The following SACS variants were observed in gnomAD, a reference collection of about 807,000 sequenced individuals.
The protein encoded by SACS is sacsin molecular chaperone, also known as sacsin.
Under a neutral mutation model 348.0 loss-of-function variants are expected in SACS, and 197 were observed. That is an observed-to-expected ratio of 0.57 (90% confidence interval 0.50 to 0.64). SACS has a LOEUF of 0.64. Among genes scored for constraint, SACS ranks in the 30% least tolerant of loss-of-function variants. The pLI, the probability that SACS is intolerant of heterozygous loss-of-function variation, is 0.00. For missense variants in SACS, 4,999 were observed against 5,360.8 expected (o/e 0.93, Z 2.11); for synonymous variants, 1,985 against 1,910.6 (o/e 1.04, Z -1.02).
Position 23,332,670 on chromosome 13 carries a change from T to C in SACS, c.11206A>G (p.Met3736Val). 6.2e-7 allele frequency: 1 copy of C among 1,613,906 alleles called. No individual in the cohort carries two copies. Among genetic ancestry groups the C allele is most frequent in the South Asian group, 1.1e-5 (1 of 91,080 alleles). ...GGAGGATCCAGGTTAACATTAAGCATATTTAAAACTTGTTCAAGCTGTTCT... is the reference window on the plus strand; with the variant it reads ...GGAGGATCCAGGTTAACATTAAGCACATTTAAAACTTGTTCAAGCTGTTCT... ...PQEQLEQVLNMLNVNLDPPLD... is the reference protein window; with the variant it reads ...PQEQLEQVLNVLNVNLDPPLD... The change falls in exon 10 of 10, where the codon ATG (methionine) becomes GTG (valine). Residue 3736 changes from methionine (M) to valine (V), a missense_variant. Met to Val is a conservative substitution (Grantham distance 21). Around this residue, in one of 6 missense-constraint regions of SACS, gnomAD observed 831 missense variants for 941.8 expected, o/e 0.88. Coordinates refer to ENST00000382292, the MANE Select transcript of SACS (RefSeq NM_014363.6).
chr13:23,382,045 A>C (rs1450918065), intron 2 of SACS, among the ~76,000 whole-genome samples: 2 of 152,278 alleles, frequency 1.3e-5, no homozygotes, highest in African/African-American at 4.8e-5. Context: ...ACGGCTGCAC[A>C]CATTTGCTGT....
intron 6 of SACS, among the ~76,000 whole-genome samples, chr13:23,360,770 T>C (rs79371060): frequency 6.6e-6 from 1 of 151,816 alleles, no homozygotes; most frequent in Non-Finnish European, 1.5e-5. Context: ...TTTTTTTTTT[T>C]TTGAGACAAT....
intron 2 of SACS, among the ~76,000 whole-genome samples, chr13:23,409,548 A>G (rs566897833): frequency 1.4e-5 from 2 of 146,824 alleles, no homozygotes; most frequent in African/African-American, 5.1e-5. Context: ...GGGTTTTGCC[A>G]TGTTGGTCAG....
At chr13:23,394,652 G>A (rs902585044) in intron 2 of SACS, among the ~76,000 whole-genome samples, 5 of 151,840 alleles carry the variant, frequency 3.3e-5, no homozygotes, top group African/African-American at 1.2e-4. Flanking sequence ...TCAGGAGTTT[G>A]AGACTGGTTT....
chr13:23,346,109 C>G (rs1869584381), intron 9 of SACS, among the ~76,000 whole-genome samples: 1 of 152,096 alleles, frequency 6.6e-6, no homozygotes, highest in Non-Finnish European at 1.5e-5. Context: ...GTCACAGATC[C>G]CAGAATCTAC....
Position 23,368,941 on chromosome 13 carries a change from C to T in SACS, c.260-454G>A, listed in dbSNP as rs957506288. ...GTCTTGATCTCCTGACCTCGTGATC[C>T]GCCCACCTTGGCCTCCCAAAGTGCT... On this transcript the variant is annotated intron_variant, in intron 4 of 9. Coordinates refer to ENST00000382292, the MANE Select transcript of SACS (RefSeq NM_014363.6). Among the ~76,000 whole-genome samples the T allele has an allele frequency of 9.2e-5, 14 of 152,248 alleles. No individual in the cohort carries two copies. The East Asian group carries it at 1.3e-3, about 15-fold the overall frequency.
At chr13:23,362,620 C>G (rs996907215) in intron 6 of SACS, among the ~76,000 whole-genome samples, 1 of 128,582 alleles carries the variant, frequency 7.8e-6, no homozygotes, top group East Asian at 2.4e-4. Flanking sequence ...GAGTCTCACT[C>G]TGTCACCCAG....
chr13:23,353,699 T>C, intron 9 of SACS, 86 bp downstream of exon 9: 2 of 731,128 alleles, frequency 2.7e-6, no homozygotes, highest in Non-Finnish European at 4.6e-6. Flanking sequence ...TGTTGATTTA[T>C]AGGTCTAAAA....
At chr13:23,375,719 T>C (rs1186319929) in intron 2 of SACS, among the ~76,000 whole-genome samples, 1 of 122,678 alleles carries the variant, frequency 8.2e-6, no homozygotes, top group African/African-American at 3.1e-5. Context: ...TCTTGCCCAA[T>C]CCGGACAGTT....
chr13:23,404,591 A>G (rs1036772018), intron 2 of SACS, among the ~76,000 whole-genome samples: 2 of 152,194 alleles, frequency 1.3e-5, no homozygotes, highest in African/African-American at 4.8e-5. Flanking sequence ...GGCAAGAGAA[A>G]GAAATAAAGG....
At chr13:23,409,435 C>T (rs1204701632) in intron 2 of SACS, among the ~76,000 whole-genome samples, 1 of 146,678 alleles carries the variant, frequency 6.8e-6, no homozygotes, top group African/African-American at 2.5e-5. Context: ...TGGCTCACTG[C>T]AACCTCCGCC....
In SACS at chr13:23,427,663, G is replaced by C. The variant is rs533660938; in HGVS notation, c.-502+5952C>G. 7 of 152,362 alleles carry C rather than the reference G, an allele frequency of 4.6e-5. No homozygotes were observed. The East Asian group carries it at 1.2e-3, about 25-fold the overall frequency. The allele number at this position is 152,362 out of a possible 1,614,324, so 9.4% of individuals were successfully genotyped here. ...ATAAATAATGGGAGCTGTTCCCTGA[G>C]CTAAACGCCGCCCTTTGGCAGAGGT... On this transcript the variant is annotated intron_variant, in intron 1 of 9. Transcript: ENST00000382292.
intron 2 of SACS, among the ~76,000 whole-genome samples, chr13:23,406,529 A>T (rs1237407389): frequency 1.6e-5 from 1 of 62,342 alleles, no homozygotes; most frequent in Admixed American, 1.6e-4. Context: ...AAAGTATAAT[A>T]AAAAAAAGTT....
intron 2 of SACS, among the ~76,000 whole-genome samples, chr13:23,376,996 A>G (rs1871836126): frequency 6.6e-6 from 1 of 152,218 alleles, no homozygotes; most frequent in Admixed American, 6.5e-5. Flanking sequence ...ATCCTACAAT[A>G]TGGGTGACCC....
chr13:23,402,282 T>G (rs184526859), intron 2 of SACS, among the ~76,000 whole-genome samples: 1 of 152,138 alleles, frequency 6.6e-6, no homozygotes, highest in Non-Finnish European at 1.5e-5. Context: ...TACACGGGAC[T>G]GAATGAACTA....
At chr13:23,424,881 C>G (rs188769627) in intron 1 of SACS, among the ~76,000 whole-genome samples, 2 of 152,316 alleles carry the variant, frequency 1.3e-5, no homozygotes, top group Admixed American at 1.3e-4. Context: ...TAAACAATTA[C>G]ATTTCTGAGG....
At chr13:23,391,204 A>G (rs1872515963) in intron 2 of SACS, among the ~76,000 whole-genome samples, 1 of 152,198 alleles carries the variant, frequency 6.6e-6, no homozygotes. Flanking sequence ...CATGCCTGAA[A>G]TTTTTCATGA....
In SACS at chr13:23,339,831, CA is replaced by C; in HGVS notation, c.4044del (p.Ser1348ArgfsTer13). On this transcript the variant is annotated frameshift_variant, in exon 10 of 10. Transcript: ENST00000382292. LOFTEE classifies it high-confidence loss of function. ...KIYLKSDQDLSEQESKQNLHL... is the reference protein window; with the variant it reads ...KIYLKSDQDLXEQESKQNLHL... ...TGAAGATTTTGTTTGCTTTCTTGTT[CA>C]CTGAGATCTTGGTCACTTTTGAGAT... 1 of 1,612,954 alleles carries C rather than the reference CA, an allele frequency of 6.2e-7. No individual in the cohort carries two copies.
Position 23,354,383 on chromosome 13 carries a change from T to C in SACS, c.2093+136A>G, listed in dbSNP as rs947481919. The stretch of plus-strand genomic sequence containing the variant: ...AATGTATCCTTTGGTATTTTAACAA[T>C]GTATTTCTGCAAAAGTCTTCCTAAC... On this transcript the variant is annotated intron_variant, in intron 8 of 9. Transcript: ENST00000382292. 5 of 716,374 alleles carry C rather than the reference T, an allele frequency of 7.0e-6. No individual in the cohort carries two copies. In the Admixed American group the frequency reaches 7.4e-5, roughly 11 times the overall value. The allele number at this position is 716,374 out of a possible 1,614,324, so 44.4% of individuals were successfully genotyped here. A position where few individuals can be genotyped will look rare whatever the true frequency, so the allele number is the denominator to read the frequency against.
Sources: gnomAD v4.1 joint callset for allele counts (sites outside exome capture counted in the v4.1 genomes callset) on GRCh38, gnomAD v4.1.1 for gene constraint, gnomAD v4.1.1 regional missense constraint, MANE v1.5 for transcripts, NCBI Gene and HGNC (gene_info 2026-07-23, HGNC 2026-07-21) for gene names.